USP37: variants seen among roughly 807,000 people sequenced by gnomAD.
USP37 encodes ubiquitin carboxyl-terminal hydrolase 37.
USP37 carries 27 observed loss-of-function variants against 124.0 expected under a neutral mutation model. That is an observed-to-expected ratio of 0.22 (90% CI 0.16 to 0.30). The LOEUF is 0.30. Ranked by LOEUF, USP37 falls within the 10% of genes least tolerant of loss-of-function variation. USP37 has a pLI of 1.00. For missense variants in USP37, 889 were observed against 1,140.4 expected, an observed-to-expected ratio of 0.78 and a Z score of 3.17; for synonymous variants, 365 against 388.0, an observed-to-expected ratio of 0.94 and a Z score of 0.70.
intron 10 of USP37, among the ~76,000 whole-genome samples, chr2:218,510,783 A>T (rs1689937909): frequency 3.3e-5 from 5 of 152,146 alleles, no homozygotes; most frequent in Admixed American, 3.3e-4. Context: ...GCTTGAGCTC[A>T]GGAGTTTGAG....
intron 10 of USP37, among the ~76,000 whole-genome samples, chr2:218,525,202 C>A (rs1447608718): frequency 8.5e-5 from 13 of 152,174 alleles, no homozygotes. Flanking sequence ...CATTCTTGGT[C>A]AGGTGCAGTC....
chr2:218,475,325 TATG>T (rs1254836362), intron 19 of USP37, among the ~76,000 whole-genome samples: 4 of 152,194 alleles, frequency 2.6e-5, no homozygotes, highest in Non-Finnish European at 4.4e-5. Context: ...ACATCAAGAT[TATG>T]TAAAGAAGGC....
intron 11 of USP37, among the ~76,000 whole-genome samples, chr2:218,500,247 G>A (rs1374454260): frequency 6.6e-6 from 1 of 151,028 alleles, no homozygotes; most frequent in Non-Finnish European, 1.5e-5. Flanking sequence ...GCTAATGTTT[G>A]TATTCATTTA....
At chr2:218,467,879 C>T (rs1574844580) in intron 20 of USP37, among the ~76,000 whole-genome samples, 1 of 150,478 alleles carries the variant, frequency 6.6e-6, no homozygotes, top group African/African-American at 2.5e-5. Context: ...AATAACATTT[C>T]ATGTTTTTTT....
chr2:218,558,437 G>A, intron 4 of USP37, 61 bp downstream of exon 4: 1 of 1,510,982 alleles, frequency 6.6e-7, no homozygotes, highest in Non-Finnish European at 9.0e-7. Flanking sequence ...CTATGGCACA[G>A]AATAGCTATT....
At chr2:218,515,953 G>A (rs936984128) in intron 10 of USP37, among the ~76,000 whole-genome samples, 2 of 11,216 alleles carry the variant, frequency 1.8e-4, no homozygotes, top group Non-Finnish European at 4.2e-4. Context: ...GTCATCACTG[G>A]TCATTAGAGA....
At chr2:218,516,903 T>C (rs1690322490) in intron 10 of USP37, among the ~76,000 whole-genome samples, 1 of 152,222 alleles carries the variant, frequency 6.6e-6, no homozygotes, top group South Asian at 2.1e-4. Context: ...TGAGTTCATA[T>C]TAACATCTCT....
At chr2:218,459,952 T>G in intron 22 of USP37, 47 bp from the exon 23 acceptor site, 6 of 1,456,024 alleles carry the variant, frequency 4.1e-6, no homozygotes, top group Non-Finnish European at 5.7e-6. Context: ...TGGAATAGAA[T>G]GGACGTGGTG....
chr2:218,473,994 A>G (rs1244852665), intron 20 of USP37, among the ~76,000 whole-genome samples: 2 of 152,220 alleles, frequency 1.3e-5, no homozygotes, highest in Admixed American at 6.5e-5. Flanking sequence ...CTGTAACACA[A>G]TGGTAAGTAG....
Position 218,488,408 on chromosome 2 carries a change from T to A in USP37, c.1486A>T (p.Ile496Phe). The part of the protein sequence containing the change: ...SIICKACGEI[I>F]PKREQFNDLS... ...TCATTAAACTGTTCTCTTTTGGGGA[T>A]AATCTCTCCACATCTGTAAGAATAA... is the stretch of plus-strand genomic sequence containing the variant. Residue 496 changes from isoleucine (I) to phenylalanine (F), a missense_variant, in exon 15 of 26, where the codon ATC becomes TTC. Physicochemically the swap from Ile to Phe is conservative, Grantham distance 21. Around this residue, in one of 3 missense-constraint regions of USP37, gnomAD observed 504 missense variants for 714.3 expected, o/e 0.71. Transcript: ENST00000258399. The A allele has an allele frequency of 6.2e-7, 1 of 1,603,632 alleles. No individual in the cohort carries two copies. The highest frequency in any genetic ancestry group is 1.1e-5 in the South Asian group (1 of 89,006).
At chr2:218,544,380 G>C (rs1260229724) in intron 8 of USP37, among the ~76,000 whole-genome samples, 2 of 63,068 alleles carry the variant, frequency 3.2e-5, no homozygotes, top group Non-Finnish European at 4.8e-5. Flanking sequence ...ACAAGACTCC[G>C]TTTCACAAAA....
intron 20 of USP37, among the ~76,000 whole-genome samples, chr2:218,468,309 A>G (rs1245035439): frequency 6.6e-6 from 1 of 151,490 alleles, no homozygotes; most frequent in African/African-American, 2.4e-5. Context: ...GGTTCAAGCA[A>G]TTCTCCTGCC....
chr2:218,516,309 G>A lies in USP37; in HGVS notation c.864-6169C>T, dbSNP rs563490844. Among the ~76,000 whole-genome samples, 4 of 152,126 alleles carry A rather than the reference G, an allele frequency of 2.6e-5. No homozygotes were observed. In the South Asian group the frequency reaches 6.2e-4, roughly 24 times the overall value. ...ACCCAAATGCCCATCAATGATAGAC[G>A]GGATAAATAAGAAAATGTGGCACAT... is the stretch of plus-strand genomic sequence containing the variant. On this transcript the variant is annotated intron_variant, in intron 10 of 25. Coordinates refer to ENST00000258399, the MANE Select transcript of USP37 (RefSeq NM_020935.3).
At chr2:218,558,457 A>T (rs994717093) in intron 4 of USP37, 41 bp downstream of exon 4, 3 of 1,572,694 alleles carry the variant, frequency 1.9e-6, no homozygotes, top group South Asian at 2.3e-5. Flanking sequence ...TTACTAAATG[A>T]TCTGCTTCAA....
intron 2 of USP37, among the ~76,000 whole-genome samples, chr2:218,561,556 G>T (rs1693310573): frequency 6.6e-6 from 1 of 151,878 alleles, no homozygotes; most frequent in South Asian, 2.1e-4. Context: ...TACTTGGGAG[G>T]CTGAGGCAAG....
chr2:218,463,203 CACACACACACACACACACA>C (rs1690120988), intron 22 of USP37, 84 bp downstream of exon 22: 2 of 721,772 alleles, frequency 2.8e-6, no homozygotes, highest in Non-Finnish European at 4.6e-6. Flanking sequence ...CACACACACA[CACACACACACACACACACA>C]CACACACACT....
At chr2:218,553,407 A>G in intron 5 of USP37, 146 bp downstream of exon 5, 1 of 727,788 alleles carries the variant, frequency 1.4e-6, no homozygotes, top group Non-Finnish European at 2.0e-6. Flanking sequence ...ATGGTGAACT[A>G]TCTTTGAATT....
intron 1 of USP37, among the ~76,000 whole-genome samples, chr2:218,563,840 G>C (rs1264572900): frequency 6.6e-6 from 1 of 152,090 alleles, no homozygotes; most frequent in Non-Finnish European, 1.5e-5. Flanking sequence ...GATCACCTGA[G>C]GTCAGGAGTT....
intron 19 of USP37, 142 bp from the exon 20 acceptor site, chr2:218,475,027 T>C (rs1690889779): frequency 2.0e-5 from 14 of 711,926 alleles, no homozygotes; most frequent in Non-Finnish European, 2.8e-5. Flanking sequence ...ATAACCAATA[T>C]ATAAACTAAA....
Sources: allele counts gnomAD v4.1 joint callset (sites outside exome capture counted in the v4.1 genomes callset), GRCh38; gene constraint gnomAD v4.1.1; regional missense constraint gnomAD v4.1.1; transcripts MANE v1.5; gene names NCBI Gene and HGNC (gene_info 2026-07-23, HGNC 2026-07-21).